Variants in CNTNAP2 observed in about 807,000 individuals in gnomAD.
The protein encoded by CNTNAP2 is contactin associated protein 2, also known as contactin-associated protein-like 2.
In CNTNAP2, 98 loss-of-function variants were observed where a neutral mutation model predicts 155.2. The ratio of observed to expected loss-of-function variants is 0.63; its 90% confidence interval spans 0.54 to 0.75. The LOEUF (loss-of-function observed/expected upper bound fraction) is 0.75. Ranked by LOEUF, CNTNAP2 falls within the 30% of genes least tolerant of loss-of-function variation. The pLI is 0.00. For synonymous variants in CNTNAP2, 651 were observed against 631.2 expected (o/e 1.03, Z -0.47); for missense variants, 1,727 against 1,688.1 (o/e 1.02, Z -0.40).
chr7:146,714,387 T>C (rs1198471822), intron 1 of CNTNAP2, among the ~76,000 whole-genome samples: 1 of 152,220 alleles, frequency 6.6e-6, no homozygotes, highest in Non-Finnish European at 1.5e-5. Flanking sequence ...CCATACTATA[T>C]TTAAAACAAC....
chr7:146,966,518 T>C (rs546240609), intron 3 of CNTNAP2, among the ~76,000 whole-genome samples: 4 of 152,322 alleles, frequency 2.6e-5, no homozygotes, highest in East Asian at 3.9e-4. Context: ...CAATCTGGCC[T>C]CCATTTAGGG....
At chr7:148,212,991 GT>G (rs1279976631) in intron 18 of CNTNAP2, among the ~76,000 whole-genome samples, 1 of 152,224 alleles carries the variant, frequency 6.6e-6, no homozygotes, top group East Asian at 1.9e-4. Context: ...TTTTTGGATT[GT>G]TTATCTGAAA....
At chr7:147,037,352 G>T (rs1214015181) in intron 3 of CNTNAP2, among the ~76,000 whole-genome samples, 9 of 150,584 alleles carry the variant, frequency 6.0e-5, no homozygotes, top group African/African-American at 2.2e-4. Flanking sequence ...TTTATTTCTA[G>T]TTGACAATTT....
intron 1 of CNTNAP2, among the ~76,000 whole-genome samples, chr7:146,567,910 C>T (rs1195837562): frequency 6.6e-6 from 1 of 152,054 alleles, no homozygotes; most frequent in African/African-American, 2.4e-5. Context: ...TTAGTAGAGA[C>T]GGGGTTTCAC....
At chr7:146,487,931 G>A (rs1797080873) in intron 1 of CNTNAP2, among the ~76,000 whole-genome samples, 1 of 152,154 alleles carries the variant, frequency 6.6e-6, no homozygotes, top group African/African-American at 2.4e-5. Flanking sequence ...GACATTAAAG[G>A]TTAATAGAAC....
intron 16 of CNTNAP2, 52 bp downstream of exon 16, chr7:148,118,340 G>C (rs1244200795): frequency 6.3e-7 from 1 of 1,594,696 alleles, no homozygotes; most frequent in African/African-American, 1.3e-5. Flanking sequence ...GTCACCTCAG[G>C]GTGGTCCGGG....
chr7:147,349,013 A>C (rs1795925871), intron 9 of CNTNAP2, among the ~76,000 whole-genome samples: 1 of 151,966 alleles, frequency 6.6e-6, no homozygotes, highest in Admixed American at 6.6e-5. Context: ...ATAGAGAAAA[A>C]TTTGCTAAAG....
intron 14 of CNTNAP2, among the ~76,000 whole-genome samples, chr7:147,905,913 A>G (rs1308106727): frequency 6.7e-6 from 1 of 149,710 alleles, no homozygotes; most frequent in African/African-American, 2.5e-5. Flanking sequence ...AAACAAACAA[A>G]CAAAAAAAAA....
chr7:146,812,067 T>A (rs1803075978), intron 2 of CNTNAP2, among the ~76,000 whole-genome samples: 1 of 152,058 alleles, frequency 6.6e-6, no homozygotes, highest in Admixed American at 6.6e-5. Context: ...ACTGGGAGAA[T>A]GGGGTGTTGC....
intron 1 of CNTNAP2, among the ~76,000 whole-genome samples, chr7:146,702,519 G>A (rs1313920735): frequency 6.6e-6 from 1 of 152,110 alleles, no homozygotes; most frequent in African/African-American, 2.4e-5. Flanking sequence ...TGCCTGCATT[G>A]TTGAGTACAG....
At chr7:146,494,075 T>C (rs1797177722) in intron 1 of CNTNAP2, among the ~76,000 whole-genome samples, 1 of 152,162 alleles carries the variant, frequency 6.6e-6, no homozygotes, top group Non-Finnish European at 1.5e-5. Flanking sequence ...GGCTCACGCC[T>C]GTAATGCCAG....
intron 15 of CNTNAP2, among the ~76,000 whole-genome samples, chr7:148,037,182 T>C (rs1478145025): frequency 3.3e-5 from 5 of 152,230 alleles, no homozygotes; most frequent in Non-Finnish European, 1.5e-5. Context: ...TTGAAGACAT[T>C]ACTAAGGCCT....
chr7:147,873,939 A>T (rs1343977123), intron 13 of CNTNAP2, among the ~76,000 whole-genome samples: 2 of 152,186 alleles, frequency 1.3e-5, no homozygotes, highest in African/African-American at 4.8e-5. Context: ...AAAATTCAAC[A>T]GGGCAGTCAT....
At chr7:147,055,305 A>G (rs1043632637) in intron 4 of CNTNAP2, among the ~76,000 whole-genome samples, 4 of 152,236 alleles carry the variant, frequency 2.6e-5, no homozygotes, top group Admixed American at 2.6e-4. Flanking sequence ...GAGATGCTTC[A>G]TAACCGAAAT....
intron 3 of CNTNAP2, among the ~76,000 whole-genome samples, chr7:147,033,363 T>G (rs551379993): frequency 6.6e-6 from 1 of 151,660 alleles, no homozygotes; most frequent in South Asian, 2.1e-4. Context: ...CTCAAGATTT[T>G]TCCATGATTG....
intron 13 of CNTNAP2, among the ~76,000 whole-genome samples, chr7:147,820,089 G>A (rs1166124494): frequency 6.6e-6 from 1 of 152,042 alleles, no homozygotes; most frequent in East Asian, 1.9e-4. Context: ...TTCCAAAGGA[G>A]TTATACCTAT....
intron 1 of CNTNAP2, among the ~76,000 whole-genome samples, chr7:146,362,107 C>CT (rs2129101023): frequency 6.6e-6 from 1 of 152,178 alleles, no homozygotes; most frequent in African/African-American, 2.4e-5. Context: ...AAACACAGTG[C>CT]TTTTTCTATG....
intron 1 of CNTNAP2, among the ~76,000 whole-genome samples, chr7:146,514,024 T>C (rs1270398808): frequency 1.3e-5 from 2 of 151,922 alleles, no homozygotes; most frequent in Admixed American, 6.6e-5. Context: ...CTTCAGTACT[T>C]TTTATATATC....
chr7:147,371,415 A>T (rs969302172), intron 9 of CNTNAP2, among the ~76,000 whole-genome samples: 3 of 152,192 alleles, frequency 2.0e-5, no homozygotes, highest in Admixed American at 2.0e-4. Context: ...TAAGATACAC[A>T]GCCTAGTGAA....
Sources: allele counts gnomAD v4.1 joint callset (sites outside exome capture counted in the v4.1 genomes callset), GRCh38; gene constraint gnomAD v4.1.1; transcripts MANE v1.5; gene names NCBI Gene and HGNC (gene_info 2026-07-23, HGNC 2026-07-21).